BMERB1: variants seen among roughly 807,000 people sequenced by gnomAD.
The protein encoded by BMERB1 is bMERB domain-containing protein 1.
A neutral mutation model predicts 23.6 loss-of-function variants in BMERB1; 12 were observed. The ratio of observed to expected loss-of-function variants is 0.51; its 90% CI spans 0.33 to 0.82. BMERB1 has a LOEUF of 0.82. Ranked by LOEUF, BMERB1 falls within the 40% of genes least tolerant of loss-of-function variation. The probability of loss-of-function intolerance (pLI) is 0.03; values close to 1 mark genes in which losing one functional copy is unlikely to be tolerated. For missense variants in BMERB1, 247 were observed against 255.4 expected, an observed-to-expected ratio of 0.97 and a Z score of 0.22; for synonymous variants, 122 against 96.6, an observed-to-expected ratio of 1.26 and a Z score of -1.54.
intron 1 of BMERB1, among the ~76,000 whole-genome samples, chr16:15,442,176 C>A (rs1159730348): frequency 6.6e-6 from 1 of 151,954 alleles, no homozygotes; most frequent in African/African-American, 2.4e-5. Flanking sequence ...ACCAAAAATA[C>A]AAAAATTAGC....
chr16:15,582,531 A>G (rs2031039365), intron 4 of BMERB1, among the ~76,000 whole-genome samples: 1 of 152,168 alleles, frequency 6.6e-6, no homozygotes, highest in Non-Finnish European at 1.5e-5. Flanking sequence ...CTGCCCCAAC[A>G]TAGTGAGACC....
At chr16:15,574,329 C>T (rs529558664) in intron 3 of BMERB1, among the ~76,000 whole-genome samples, 1 of 152,142 alleles carries the variant, frequency 6.6e-6, no homozygotes, top group Non-Finnish European at 1.5e-5. Flanking sequence ...GATTATAATT[C>T]AAGATGAGTT....
At chr16:15,445,634 A>C (rs1022671084) in intron 1 of BMERB1, among the ~76,000 whole-genome samples, 3 of 152,182 alleles carry the variant, frequency 2.0e-5, no homozygotes, top group African/African-American at 7.2e-5. Context: ...GACTGATCAT[A>C]CTAAGTGCTG....
At chr16:15,502,895 G>A (rs577631664) in intron 1 of BMERB1, among the ~76,000 whole-genome samples, 1 of 152,038 alleles carries the variant, frequency 6.6e-6, no homozygotes, top group Non-Finnish European at 1.5e-5. Flanking sequence ...CAAATTTGAT[G>A]GTGGCTCCAA....
chr16:15,529,841 TA>T (rs1183013382), intron 2 of BMERB1, among the ~76,000 whole-genome samples: 1 of 152,214 alleles, frequency 6.6e-6, no homozygotes, highest in Non-Finnish European at 1.5e-5. Flanking sequence ...ATAATGCAGC[TA>T]AGTGCGTTAT....
intron 1 of BMERB1, among the ~76,000 whole-genome samples, chr16:15,447,606 G>A (rs2051000969): frequency 6.6e-6 from 1 of 152,210 alleles, no homozygotes; most frequent in African/African-American, 2.4e-5. Context: ...TGGCGATCAT[G>A]TTAATAGAAG....
chr16:15,567,068 G>T (rs561868759), intron 2 of BMERB1, among the ~76,000 whole-genome samples: 10 of 152,038 alleles, frequency 6.6e-5, no homozygotes, highest in African/African-American at 1.9e-4. Flanking sequence ...TCCGTAGGGG[G>T]CTGGGGTTGG....
At position 15,558,208 on chromosome 16, in the gene BMERB1, G is replaced by A. The variant is rs763230925; in HGVS notation, c.231-9775G>A. On this transcript the variant is annotated intron_variant, in intron 2 of 5. Transcript: ENST00000300006. ...TCTGCCCATGGGTAGTAAGCCAATC[G>A]CTGTTATGATGGATTTGGCAAAAGA... Among the ~76,000 whole-genome samples the A allele has an allele frequency of 5.8e-4, 88 of 152,138 alleles. 1 individual carries two copies. Among genetic ancestry groups the A allele is most frequent in the Non-Finnish European group, 1.0e-3 (69 of 67,998 alleles).
At chr16:15,444,123 G>GTTTTTTTTTTTTTTTTGTTTTTTTT (rs2050966920) in intron 1 of BMERB1, among the ~76,000 whole-genome samples, 1 of 35,610 alleles carries the variant, frequency 2.8e-5, no homozygotes, top group Non-Finnish European at 4.6e-5. Flanking sequence ...CACCAGCTTT[G>GTTTTTTTTTTTTTTTTGTTTTTTTT]TTTTTTTTTT....
At chr16:15,573,182 C>G (rs1567504190) in intron 3 of BMERB1, among the ~76,000 whole-genome samples, 1 of 152,170 alleles carries the variant, frequency 6.6e-6, no homozygotes, top group Non-Finnish European at 1.5e-5. Context: ...TTGCAAGGCT[C>G]CAAGCCAGGA....
chr16:15,485,580 C>T (rs2051361447), intron 1 of BMERB1, among the ~76,000 whole-genome samples: 1 of 152,076 alleles, frequency 6.6e-6, no homozygotes, highest in Admixed American at 6.5e-5. Context: ...ATTTTATATC[C>T]ATTCTGGTCA....
intron 1 of BMERB1, among the ~76,000 whole-genome samples, chr16:15,486,936 G>A (rs1227712867): frequency 6.6e-6 from 1 of 152,114 alleles, no homozygotes; most frequent in East Asian, 1.9e-4. Flanking sequence ...ATGTGTTAAT[G>A]TAAGTAAAAT....
chr16:15,440,796 A>C (rs1271446241), intron 1 of BMERB1, among the ~76,000 whole-genome samples: 1 of 152,190 alleles, frequency 6.6e-6, no homozygotes, highest in African/African-American at 2.4e-5. Flanking sequence ...CTGCCCACAT[A>C]AAGCTTCTGT....
At chr16:15,506,628 G>C (rs184204737) in intron 1 of BMERB1, among the ~76,000 whole-genome samples, 3 of 151,416 alleles carry the variant, frequency 2.0e-5, no homozygotes, top group Non-Finnish European at 4.4e-5. Flanking sequence ...CAACCATCAC[G>C]ATTGCCTAAC....
At chr16:15,515,697 G>C (rs914234172) in intron 2 of BMERB1, among the ~76,000 whole-genome samples, 2 of 152,142 alleles carry the variant, frequency 1.3e-5, no homozygotes, top group Non-Finnish European at 2.9e-5. Context: ...AAGAAAGAGG[G>C]AAGGGAATGC....
chr16:15,512,873 C>T (rs562959931), intron 1 of BMERB1, among the ~76,000 whole-genome samples: 6 of 149,566 alleles, frequency 4.0e-5, no homozygotes, highest in East Asian at 3.9e-4. Flanking sequence ...AGGGATACTC[C>T]GTCTCAAAAA....
intron 2 of BMERB1, among the ~76,000 whole-genome samples, chr16:15,553,916 C>A (rs2030167507): frequency 1.3e-5 from 2 of 152,166 alleles, no homozygotes; most frequent in South Asian, 4.1e-4. Flanking sequence ...GACACATCTC[C>A]ATGCCATGCT....
intron 1 of BMERB1, among the ~76,000 whole-genome samples, chr16:15,457,748 T>C (rs1567453880): frequency 1.3e-5 from 2 of 152,196 alleles, no homozygotes; most frequent in Admixed American, 6.5e-5. Flanking sequence ...CTTCAAGAAA[T>C]AGCTTGGACT....
chr16:15,494,244 C>T (rs558233395), intron 1 of BMERB1, among the ~76,000 whole-genome samples: 1 of 152,252 alleles, frequency 6.6e-6, no homozygotes, highest in African/African-American at 2.4e-5. Context: ...TCAATTTCCA[C>T]AATTTTAATT....
Sources: allele counts gnomAD v4.1 joint callset (sites outside exome capture counted in the v4.1 genomes callset), GRCh38; gene constraint gnomAD v4.1.1; transcripts MANE v1.5; gene names NCBI Gene and HGNC (gene_info 2026-07-23, HGNC 2026-07-21).